SMYD3: variants seen among roughly 807,000 people sequenced by gnomAD.
SMYD3 encodes histone-lysine N-methyltransferase SMYD3.
A neutral mutation model predicts 57.7 loss-of-function variants in SMYD3; 36 were observed. That is an observed-to-expected ratio of 0.62 (90% CI 0.48 to 0.82). The LOEUF (loss-of-function observed/expected upper bound fraction) is 0.82. Among genes scored for constraint, SMYD3 ranks in the 40% least tolerant of loss-of-function variants. SMYD3 has a pLI of 0.00. For missense variants in SMYD3, 515 were observed against 538.8 expected (o/e 0.96, Z 0.44); for synonymous variants, 211 against 195.0 (o/e 1.08, Z -0.68).
chr1:246,211,970 T>G (rs776052361), intron 5 of SMYD3, among the ~76,000 whole-genome samples: 9 of 151,332 alleles, frequency 5.9e-5, no homozygotes, highest in Non-Finnish European at 7.4e-5. Context: ...CCTCAGATAA[T>G]CACTCAAGTA....
intron 5 of SMYD3, among the ~76,000 whole-genome samples, chr1:246,154,851 G>A (rs2061998937): frequency 6.7e-6 from 1 of 148,204 alleles, no homozygotes; most frequent in East Asian, 2.0e-4. Flanking sequence ...GTGCAATTTT[G>A]GCTCACTCTA....
At chr1:246,209,763 T>TG (rs1191114740) in intron 5 of SMYD3, among the ~76,000 whole-genome samples, 3 of 152,256 alleles carry the variant, frequency 2.0e-5, no homozygotes, top group African/African-American at 4.8e-5. Flanking sequence ...CAAGCAGTGA[T>TG]GGGGGGCTAC....
chr1:246,500,105 G>C (rs987329034), intron 1 of SMYD3, among the ~76,000 whole-genome samples: 1 of 152,152 alleles, frequency 6.6e-6, no homozygotes, highest in Admixed American at 6.5e-5. Context: ...TTGGGAAACT[G>C]GTTGTTGCTG....
intron 5 of SMYD3, among the ~76,000 whole-genome samples, chr1:245,965,252 A>G (rs2058110944): frequency 6.6e-6 from 1 of 152,204 alleles, no homozygotes; most frequent in Non-Finnish European, 1.5e-5. Context: ...GATGATTCCA[A>G]AGATGGGAGG....
intron 1 of SMYD3, among the ~76,000 whole-genome samples, chr1:246,397,518 T>C (rs1029712472): frequency 1.3e-5 from 2 of 152,070 alleles, no homozygotes; most frequent in Non-Finnish European, 2.9e-5. Context: ...TCCTTACTTA[T>C]CCATCATGGA....
intron 5 of SMYD3, among the ~76,000 whole-genome samples, chr1:246,302,066 T>C (rs113264291): frequency 2.7e-4 from 41 of 152,258 alleles, no homozygotes; most frequent in African/African-American, 9.6e-4. Context: ...TTATAGCAAT[T>C]GCTTCAAGAG....
intron 1 of SMYD3, among the ~76,000 whole-genome samples, chr1:246,466,936 G>T (rs59998811): frequency 6.6e-6 from 1 of 152,130 alleles, no homozygotes; most frequent in African/African-American, 2.4e-5. Context: ...GGGAGGCCAA[G>T]GCAGGTGGAT....
intron 5 of SMYD3, among the ~76,000 whole-genome samples, chr1:246,045,607 C>T (rs2148307848): frequency 6.6e-6 from 1 of 152,132 alleles, no homozygotes; most frequent in Non-Finnish European, 1.5e-5. Flanking sequence ...AAAGCAATGG[C>T]AACAAAAGCC....
At chr1:245,930,025 G>T in intron 5 of SMYD3, 88 bp from the exon 6 acceptor site, 2 of 1,085,374 alleles carry the variant, frequency 1.8e-6, no homozygotes, top group Non-Finnish European at 2.8e-6. Context: ...AAACCCAAAT[G>T]TAGGAGCATC....
intron 5 of SMYD3, among the ~76,000 whole-genome samples, chr1:246,276,979 T>A (rs2064347673): frequency 1.3e-5 from 2 of 152,218 alleles, no homozygotes; most frequent in African/African-American, 4.8e-5. Flanking sequence ...TGTCTCTAGG[T>A]CTCAGTTTCC....
At chr1:246,398,578 G>A (rs2066714328) in intron 1 of SMYD3, among the ~76,000 whole-genome samples, 1 of 152,200 alleles carries the variant, frequency 6.6e-6, no homozygotes, top group African/African-American at 2.4e-5. Flanking sequence ...AAAGGGCAAG[G>A]GTTAAACCAG....
At chr1:245,817,294 C>CCT (rs1558380813) in intron 10 of SMYD3, among the ~76,000 whole-genome samples, 3 of 136,646 alleles carry the variant, frequency 2.2e-5, no homozygotes, top group African/African-American at 3.3e-5. Context: ...CACACTGACA[C>CCT]CTCACATGGC....
At chr1:246,011,978 T>A (rs2059289917) in intron 5 of SMYD3, among the ~76,000 whole-genome samples, 1 of 152,172 alleles carries the variant, frequency 6.6e-6, no homozygotes, top group African/African-American at 2.4e-5. Flanking sequence ...GTACTGGCTG[T>A]CAATATCATT....
intron 10 of SMYD3, among the ~76,000 whole-genome samples, chr1:245,829,604 C>T (rs1309538014): frequency 1.3e-5 from 2 of 152,146 alleles, no homozygotes; most frequent in African/African-American, 4.8e-5. Context: ...ATATTAATTG[C>T]ATACTTACCA....
At chr1:246,340,281 A>AAAACCAG (rs1489157931) in intron 2 of SMYD3, among the ~76,000 whole-genome samples, 2 of 150,156 alleles carry the variant, frequency 1.3e-5, no homozygotes, top group Non-Finnish European at 1.5e-5. Flanking sequence ...TTGGGGGAAG[A>AAAACCAG]AAACCAGAAA....
chr1:246,303,517 T>C (rs1338383503), intron 5 of SMYD3, among the ~76,000 whole-genome samples: 1 of 152,232 alleles, frequency 6.6e-6, no homozygotes, highest in Admixed American at 6.5e-5. Flanking sequence ...GTAAACACTA[T>C]ATAAATTAGT....
intron 10 of SMYD3, among the ~76,000 whole-genome samples, chr1:245,856,518 TGGA>T (rs113643192): frequency 2.6e-5 from 4 of 152,326 alleles, no homozygotes; most frequent in African/African-American, 9.6e-5. Context: ...TGTATTCTGG[TGGA>T]GGACTTGGCC....
intron 5 of SMYD3, among the ~76,000 whole-genome samples, chr1:245,996,713 A>G (rs2058938200): frequency 6.6e-6 from 1 of 152,218 alleles, no homozygotes; most frequent in East Asian, 1.9e-4. Context: ...AAAGCCCAAA[A>G]CAAATGAAGT....
chr1:246,498,830 C>G (rs925168588), intron 1 of SMYD3, among the ~76,000 whole-genome samples: 1 of 152,070 alleles, frequency 6.6e-6, no homozygotes, highest in Non-Finnish European at 1.5e-5. Flanking sequence ...CTTATACCCC[C>G]CAGGCTGGAG....
Sources: allele counts gnomAD v4.1 joint callset (sites outside exome capture counted in the v4.1 genomes callset), GRCh38; gene constraint gnomAD v4.1.1; transcripts MANE v1.5; gene names NCBI Gene and HGNC (gene_info 2026-07-23, HGNC 2026-07-21).